Variants in SERINC5 observed in about 807,000 individuals in gnomAD.
SERINC5 encodes serine incorporator 5.
Under a neutral mutation model 63.1 loss-of-function variants are expected in SERINC5, and 41 were observed. That is an observed-to-expected ratio of 0.65 (90% CI 0.51 to 0.84). SERINC5 has a LOEUF of 0.84. SERINC5 is among the 40% of genes least tolerant of loss of function. The pLI, the probability that SERINC5 is intolerant of heterozygous loss-of-function variation, is 0.00. For missense variants in SERINC5, 523 were observed against 573.0 expected (o/e 0.91, Z 0.89); for synonymous variants, 222 against 215.2 (o/e 1.03, Z -0.28).
intron 2 of SERINC5, among the ~76,000 whole-genome samples, chr5:80,194,873 C>A (rs917063725): frequency 6.6e-6 from 1 of 152,170 alleles, no homozygotes; most frequent in East Asian, 1.9e-4. Flanking sequence ...GGGTTCTAAT[C>A]CCAGATATAC....
chr5:80,185,251 CAA>C (rs1425070054), intron 2 of SERINC5, among the ~76,000 whole-genome samples: 1 of 152,104 alleles, frequency 6.6e-6, no homozygotes, highest in African/African-American at 2.4e-5. Context: ...CTCAAAGCCA[CAA>C]ACTATCAAGT....
chr5:80,141,953 G>A lies in SERINC5; in HGVS notation c.*1710C>T, dbSNP rs1745534547. On this transcript the variant is annotated 3_prime_UTR_variant, in exon 12 of 12. Transcript: ENST00000507668. ...TGTTTCCCCATGGGTTTTCTTGGGA[G>A]AAGGGCAAAGGAATGAATAGAAAGA... The A allele has an allele frequency of 1.0e-6, 1 of 985,368 alleles. No individual in the cohort carries two copies. The highest frequency in any genetic ancestry group is 1.2e-6 in the Non-Finnish European group (1 of 829,902). The allele number at this position is 985,368 out of a possible 1,614,324, so 61.0% of individuals were successfully genotyped here.
Position 80,237,021 on chromosome 5 carries a change from T to TCA in SERINC5, c.27+18873_27+18874dup, listed in dbSNP as rs1751724192. Among the ~76,000 whole-genome samples the TCA allele has an allele frequency of 4.6e-5, 7 of 151,960 alleles. No individual in the cohort carries two copies. The South Asian group carries it at 1.5e-3, about 32-fold the overall frequency. ...TTTTGTATTTTGTAGAGACGGGGTT[T>TCA]CACCACGTTGGCCAGGCCGGTCTTT... On this transcript the variant is annotated intron_variant, in intron 1 of 11. Transcript: ENST00000507668.
chr5:80,198,522 G>C (rs1451446574), intron 2 of SERINC5: 18 of 985,294 alleles, frequency 1.8e-5, no homozygotes, highest in Admixed American at 6.1e-5. Flanking sequence ...GACTCTGGCA[G>C]AACGCTGGGT....
intron 1 of SERINC5, among the ~76,000 whole-genome samples, chr5:80,241,185 G>A (rs1751924020): frequency 6.6e-6 from 1 of 151,934 alleles, no homozygotes; most frequent in South Asian, 2.1e-4. Context: ...AAATAAAAAG[G>A]CAAGGCTGGG....
intron 7 of SERINC5, among the ~76,000 whole-genome samples, chr5:80,161,738 T>C (rs1746940466): frequency 6.6e-6 from 1 of 152,252 alleles, no homozygotes; most frequent in Admixed American, 6.5e-5. Context: ...TTTGTTTTTG[T>C]TGTCTGTGCT....
intron 2 of SERINC5, among the ~76,000 whole-genome samples, chr5:80,191,376 C>T (rs915144334): frequency 4.0e-5 from 6 of 149,922 alleles, no homozygotes; most frequent in Non-Finnish European, 7.4e-5. Context: ...CAGTGGCTTA[C>T]ACCTATAATC....
Position 80,238,047 on chromosome 5 carries a change from T to C in SERINC5, c.27+17849A>G, listed in dbSNP as rs533950233. ...TGAACCCGGGAGGCAGAGATTGCAG[T>C]GAGCAGAGATCGCACCACTGCACTC... On this transcript the variant is annotated intron_variant, in intron 1 of 11. Coordinates refer to ENST00000507668, the MANE Select transcript of SERINC5 (RefSeq NM_001174072.3). Among the ~76,000 whole-genome samples, 11 of 137,366 alleles carry C rather than the reference T, an allele frequency of 8.0e-5. No homozygotes were observed. In the East Asian group the frequency reaches 2.1e-3, roughly 26 times the overall value. 90.1% of individuals were successfully genotyped at this position (137,366 alleles called of 152,430 possible).
chr5:80,210,259 C>T (rs1451265878), intron 1 of SERINC5, among the ~76,000 whole-genome samples: 1 of 152,130 alleles, frequency 6.6e-6, no homozygotes, highest in Non-Finnish European at 1.5e-5. Context: ...ATAGGAGGTG[C>T]TTTGTCCTTG....
Position 80,225,947 on chromosome 5 carries a change from A to G in SERINC5, c.28-22894T>C, listed in dbSNP as rs145881380. 1.5e-4 allele frequency among the ~76,000 whole-genome samples: 23 copies of G among 152,264 alleles called. No individual in the cohort carries two copies. The East Asian group carries it at 1.5e-3, about 10-fold the overall frequency. ...GAGATCCTTCTACCCAGCACTCATTATAAGTAATAGTTACCTATCATTTCT... is the reference window on the plus strand; with the variant it reads ...GAGATCCTTCTACCCAGCACTCATTGTAAGTAATAGTTACCTATCATTTCT... On this transcript the variant is annotated intron_variant, in intron 1 of 11. Coordinates refer to ENST00000507668, the MANE Select transcript of SERINC5 (RefSeq NM_001174072.3).
At chr5:80,233,205 C>A (rs1254306117) in intron 1 of SERINC5, among the ~76,000 whole-genome samples, 3 of 152,206 alleles carry the variant, frequency 2.0e-5, no homozygotes, top group Non-Finnish European at 4.4e-5. Flanking sequence ...GAGGGCGGAT[C>A]ATCTGAGGTC....
intron 11 of SERINC5, 115 bp downstream of exon 11, chr5:80,145,975 A>C (rs1745795118): frequency 1.8e-6 from 2 of 1,118,116 alleles, no homozygotes; most frequent in Admixed American, 2.1e-5. Context: ...GTGCCACTGC[A>C]CTCCAGCCTG....
At position 80,211,052 on chromosome 5, in the gene SERINC5, T is replaced by C. The variant is rs1328600795; in HGVS notation, c.28-7999A>G. ...TCCTGTCAACCCTGCAAGAGGTAAC[T>C]GGATATCCTTAGCATCCATAACTTC... On this transcript the variant is annotated intron_variant, in intron 1 of 11. Coordinates refer to ENST00000507668, the MANE Select transcript of SERINC5 (RefSeq NM_001174072.3). 2.6e-5 allele frequency among the ~76,000 whole-genome samples: 4 copies of C among 152,176 alleles called. No homozygotes were observed. The East Asian group carries it at 7.7e-4, about 29-fold the overall frequency.
chr5:80,240,749 C>G (rs1430808555), intron 1 of SERINC5, among the ~76,000 whole-genome samples: 1 of 152,202 alleles, frequency 6.6e-6, no homozygotes, highest in Non-Finnish European at 1.5e-5. Flanking sequence ...ACTGCAGTCT[C>G]GACCTCCTCA....
At chr5:80,173,735 G>T (rs1294413838) in intron 5 of SERINC5, among the ~76,000 whole-genome samples, 1 of 151,922 alleles carries the variant, frequency 6.6e-6, no homozygotes, top group Non-Finnish European at 1.5e-5. Flanking sequence ...CTACCACTTA[G>T]TTCCAGACTA....
At chr5:80,176,941 G>C (rs781223681) in intron 4 of SERINC5, among the ~76,000 whole-genome samples, 7 of 152,196 alleles carry the variant, frequency 4.6e-5, no homozygotes, top group Non-Finnish European at 7.3e-5. Flanking sequence ...TTCACATACG[G>C]TAAGTTTAAT....
chr5:80,121,815 C>T (rs1313595069), intron 11 of SERINC5, among the ~76,000 whole-genome samples: 1 of 151,964 alleles, frequency 6.6e-6, no homozygotes, highest in African/African-American at 2.4e-5. Context: ...GGAGGAGATG[C>T]CAGGCTCTTT....
At chr5:80,118,674 A>G (rs1421514809) in intron 11 of SERINC5, among the ~76,000 whole-genome samples, 1 of 149,954 alleles carries the variant, frequency 6.7e-6, no homozygotes, top group Non-Finnish European at 1.5e-5. Context: ...CAGCCTCCTG[A>G]GTAGCTGGGA....
rs1273361193 is a variant in SERINC5, at chr5:80,178,918, TATC to T, written c.196-857_196-855del. On this transcript the variant is annotated intron_variant, in intron 2 of 11. Transcript: ENST00000507668. The stretch of plus-strand genomic sequence containing the variant: ...TACACAACACACATACATACACTCA[TATC>T]ATACTATGCATATAATAAATATATT... Among the ~76,000 whole-genome samples the T allele has an allele frequency of 1.7e-4, 26 of 152,238 alleles. No individual in the cohort carries two copies. The East Asian group carries it at 4.6e-3, about 27-fold the overall frequency.
Sources: allele counts gnomAD v4.1 joint callset (sites outside exome capture counted in the v4.1 genomes callset), GRCh38; gene constraint gnomAD v4.1.1; transcripts MANE v1.5; gene names NCBI Gene and HGNC (gene_info 2026-07-23, HGNC 2026-07-21).